DCP2: variants seen among roughly 807,000 people sequenced by gnomAD.
DCP2 encodes decapping mRNA 2, also known as m7GpppN-mRNA hydrolase.
Under a neutral mutation model 56.1 loss-of-function variants are expected in DCP2, and 30 were observed. The observed-to-expected ratio is 0.53, with a 90% CI of 0.40 to 0.73. The LOEUF (loss-of-function observed/expected upper bound fraction) is 0.73. Among genes scored for constraint, DCP2 ranks in the 30% least tolerant of loss-of-function variants. The probability of loss-of-function intolerance (pLI) is 0.00; values close to 1 mark genes in which losing one functional copy is unlikely to be tolerated. For synonymous variants in DCP2, 197 were observed against 163.3 expected (o/e 1.21, Z -1.57); for missense variants, 533 against 502.7 (o/e 1.06, Z -0.58).
chr5:113,021,577 T>TACTTA lies in DCP2; in HGVS notation c.*8098_*8102dup, dbSNP rs1172920732. Among the ~76,000 whole-genome samples, 38 of 152,266 alleles carry TACTTA rather than the reference T, an allele frequency of 2.5e-4. 1 individual carries two copies. The Middle Eastern group carries it at 0.014, about 55-fold the overall frequency. ...CTAGAATCAGGTTTTGCAATAGGAATACTTAACTTTGGATCTCAAGGGGGA... is the reference window on the plus strand; with the variant it reads ...CTAGAATCAGGTTTTGCAATAGGAATACTTAACTTAACTTTGGATCTCAAGGGGGA... On this transcript the variant is annotated 3_prime_UTR_variant, in exon 11 of 11. Transcript: ENST00000389063.
chr5:112,988,864 G>A (rs1013184805), intron 2 of DCP2, among the ~76,000 whole-genome samples: 10 of 152,154 alleles, frequency 6.6e-5, no homozygotes, highest in African/African-American at 2.2e-4. Flanking sequence ...CCCTTCTAGG[G>A]CAACTTTACA....
intron 2 of DCP2, among the ~76,000 whole-genome samples, chr5:112,990,743 A>C (rs1748549284): frequency 1.3e-5 from 2 of 152,196 alleles, no homozygotes. Context: ...CACCTGGCCA[A>C]ATTACAGTGT....
Position 113,001,215 on chromosome 5 carries a change from A to C in DCP2, c.564A>C (p.Pro188=). The C allele has an allele frequency of 6.2e-7, 1 of 1,613,148 alleles. No homozygotes were observed. The highest frequency in any genetic ancestry group is 2.2e-5 in the East Asian group (1 of 44,850). ...PGIPKDTKFN[P]KTRREIRNIE... is the part of the protein sequence containing the mutation. ...TTCCAAAAGACACAAAATTTAACCCAAAAACTAGAAGAGAAATTCGGGTAT... is the reference window on the plus strand; with the variant it reads ...TTCCAAAAGACACAAAATTTAACCCCAAAACTAGAAGAGAAATTCGGGTAT... Residue 188 remains proline (P), a synonymous_variant, in exon 5 of 11, where the codon CCA becomes CCC. Coordinates refer to ENST00000389063, the MANE Select transcript of DCP2 (RefSeq NM_152624.6).
At position 112,985,819 on chromosome 5, in the gene DCP2, G is replaced by A; in HGVS notation, c.54-16G>A. On this transcript the variant is annotated splice_polypyrimidine_tract_variant and intron_variant, in intron 1 of 10. Coordinates refer to ENST00000389063, the MANE Select transcript of DCP2 (RefSeq NM_152624.6). ...GTTTGTAAATGTAATTTTTGTATGT[G>A]TTTTGTTTTTGACAGCCGATTTATT... 2 of 1,590,702 alleles carry A rather than the reference G, an allele frequency of 1.3e-6. No homozygotes were observed. Among genetic ancestry groups the A allele is most frequent in the South Asian group, 2.2e-5 (2 of 90,224 alleles).
chr5:112,997,965 A>G (rs1220475832), intron 4 of DCP2, among the ~76,000 whole-genome samples: 1 of 152,158 alleles, frequency 6.6e-6, no homozygotes, highest in African/African-American at 2.4e-5. Flanking sequence ...ATCTGCTAAC[A>G]TTTGAGAAGT....
chr5:113,012,492 C>T (rs946292763), intron 10 of DCP2, among the ~76,000 whole-genome samples: 1 of 152,196 alleles, frequency 6.6e-6, no homozygotes, highest in Non-Finnish European at 1.5e-5. Flanking sequence ...TTCAGACTTT[C>T]TTTCTACCCC....
rs1265930730 is a variant in DCP2, at chr5:113,018,470, G to T, written c.*4986G>T. On this transcript the variant is annotated 3_prime_UTR_variant, in exon 11 of 11. Coordinates refer to ENST00000389063, the MANE Select transcript of DCP2 (RefSeq NM_152624.6). ...GAATGAGCTTTCACAAGGTGCTTAC[G>T]TTAGCTGGGTAGTATTGGTCAAAGG... 1 of 152,188 alleles carries T rather than the reference G, an allele frequency of 6.6e-6. No individual in the cohort carries two copies. Among genetic ancestry groups the T allele is most frequent in the Non-Finnish European group, 1.5e-5 (1 of 68,032 alleles). The allele number at this position is 152,188 out of a possible 1,614,324, so 9.4% of individuals were successfully genotyped here. A position where few individuals can be genotyped will look rare whatever the true frequency, so the allele number is the denominator to read the frequency against.
At chr5:112,993,422 C>G (rs1159671223) in intron 4 of DCP2, among the ~76,000 whole-genome samples, 2 of 151,832 alleles carry the variant, frequency 1.3e-5, no homozygotes, top group South Asian at 2.1e-4. Flanking sequence ...GTCAGGAGTT[C>G]GAGACCAGCC....
At chr5:113,004,141 A>C in intron 8 of DCP2, 64 bp downstream of exon 8, 1 of 1,553,254 alleles carries the variant, frequency 6.4e-7, no homozygotes, top group Non-Finnish European at 8.8e-7. Context: ...AATTTTTCTC[A>C]ATTGGAGAAT....
intron 4 of DCP2, 86 bp downstream of exon 4, chr5:112,992,856 G>A: frequency 9.8e-7 from 1 of 1,016,512 alleles, no homozygotes; most frequent in African/African-American, 1.7e-5. Flanking sequence ...TACTTCTTTG[G>A]ACTGTCTTAA....
intron 4 of DCP2, among the ~76,000 whole-genome samples, chr5:113,000,586 A>G (rs1351678674): frequency 2.6e-5 from 4 of 152,196 alleles, no homozygotes; most frequent in Admixed American, 2.6e-4. Flanking sequence ...AAACATTATT[A>G]AGCTCTATCT....
chr5:113,003,348 C>A (rs1013915163), intron 7 of DCP2, among the ~76,000 whole-genome samples: 1 of 152,162 alleles, frequency 6.6e-6, no homozygotes, highest in African/African-American at 2.4e-5. Flanking sequence ...TAATTTTATA[C>A]TTTAGAGGGT....
chr5:113,021,541 T>TTAAG lies in DCP2; in HGVS notation c.*8059_*8062dup, dbSNP rs570160441. Among the ~76,000 whole-genome samples, 112 of 152,292 alleles carry TTAAG rather than the reference T, an allele frequency of 7.4e-4. 2 individuals are homozygous for TTAAG. In the East Asian group the frequency reaches 0.017, roughly 23 times the overall value. ...TTAGATATTTAAAATCCAGCAATTC[T>TTAAG]TAAGTTTGTGCTAGAATCAGGTTTT... On this transcript the variant is annotated 3_prime_UTR_variant, in exon 11 of 11. Coordinates refer to ENST00000389063, the MANE Select transcript of DCP2 (RefSeq NM_152624.6).
intron 4 of DCP2, among the ~76,000 whole-genome samples, chr5:113,000,416 A>ACC (rs201229802): frequency 2.4e-4 from 28 of 116,864 alleles, no homozygotes; most frequent in Admixed American, 2.2e-3. Flanking sequence ...ACACACACAC[A>ACC]CACACACACC....
Position 113,016,255 on chromosome 5 carries a change from TA to T in DCP2, c.*2772del, listed in dbSNP as rs1406896487. The T allele has an allele frequency of 6.6e-6, 1 of 152,638 alleles. No individual in the cohort carries two copies. The highest frequency in any genetic ancestry group is 1.5e-5 in the Non-Finnish European group (1 of 68,028). The allele number at this position is 152,638 out of a possible 1,614,324, so 9.5% of individuals were successfully genotyped here. ...CAAATGAATGGTTTAGGATTTCAAA[TA>T]GTGATACCCTCCTGAGACATGAGCA... On this transcript the variant is annotated 3_prime_UTR_variant, in exon 11 of 11. Coordinates refer to ENST00000389063, the MANE Select transcript of DCP2 (RefSeq NM_152624.6).
At chr5:113,002,422 CAAA>C (rs60697650) in intron 7 of DCP2, among the ~76,000 whole-genome samples, 4 of 81,330 alleles carry the variant, frequency 4.9e-5, no homozygotes, top group Admixed American at 2.7e-4. Flanking sequence ...GACTCGGTCT[CAAA>C]AAAAAAAAAA....
In DCP2 at chr5:113,013,831, A is replaced by C. The variant is rs575447828; in HGVS notation, c.*347A>C. 155 of 188,724 alleles carry C rather than the reference A, an allele frequency of 8.2e-4. No individual in the cohort carries two copies. The highest frequency in any genetic ancestry group is 3.4e-3 in the African/African-American group (146 of 42,756). 11.7% of individuals were successfully genotyped at this position (188,724 alleles called of 1,614,324 possible). The stretch of plus-strand genomic sequence containing the variant: ...CCAAGTTAATGGGAATGCTCCATCT[A>C]CCTGTTACAGTGATTGCAATAATAG... On this transcript the variant is annotated 3_prime_UTR_variant, in exon 11 of 11. Coordinates refer to ENST00000389063, the MANE Select transcript of DCP2 (RefSeq NM_152624.6).
intron 2 of DCP2, among the ~76,000 whole-genome samples, chr5:112,990,802 G>C (rs1748551954): frequency 6.6e-6 from 1 of 151,756 alleles, no homozygotes; most frequent in South Asian, 2.1e-4. Context: ...TATTTCATTT[G>C]TACTACAACT....
intron 4 of DCP2, among the ~76,000 whole-genome samples, chr5:112,993,662 T>G (rs2150177522): frequency 6.6e-6 from 1 of 151,852 alleles, no homozygotes; most frequent in Non-Finnish European, 1.5e-5. Flanking sequence ...AACCAAAATT[T>G]TTTTTACTGT....
Sources: allele counts gnomAD v4.1 joint callset (sites outside exome capture counted in the v4.1 genomes callset), GRCh38; gene constraint gnomAD v4.1.1; transcripts MANE v1.5; gene names NCBI Gene and HGNC (gene_info 2026-07-23, HGNC 2026-07-21).